FOXP1: variants seen among roughly 807,000 people sequenced by gnomAD.
FOXP1 encodes the protein forkhead box protein P1.
In FOXP1, 15 loss-of-function variants were observed where a neutral mutation model predicts 98.2. The ratio of observed to expected loss-of-function variants is 0.15; its 90% CI spans 0.10 to 0.24. The LOEUF (loss-of-function observed/expected upper bound fraction) is 0.24. Ranked by LOEUF, FOXP1 falls within the 10% of genes least tolerant of loss-of-function variation. The pLI, the probability that FOXP1 is intolerant of heterozygous loss-of-function variation, is 1.00. For synonymous variants in FOXP1, 371 were observed against 314.5 expected, an observed-to-expected ratio of 1.18 and a Z score of -1.90; for missense variants, 633 against 848.5, an observed-to-expected ratio of 0.75 and a Z score of 3.15.
intron 2 of FOXP1, among the ~76,000 whole-genome samples, chr3:71,513,079 C>A (rs774120089): frequency 4.6e-5 from 7 of 152,164 alleles, no homozygotes; most frequent in Admixed American, 4.6e-4. Flanking sequence ...GGGCTCCCAA[C>A]CTGGCCCATA....
At chr3:71,417,498 T>C (rs531898399) in intron 3 of FOXP1, among the ~76,000 whole-genome samples, 58 of 152,256 alleles carry the variant, frequency 3.8e-4, no homozygotes, top group Non-Finnish European at 7.3e-4. Flanking sequence ...GATGAAATAA[T>C]AGACCATCCA....
chr3:71,003,744 T>C (rs541824590), intron 12 of FOXP1, among the ~76,000 whole-genome samples: 3 of 152,324 alleles, frequency 2.0e-5, no homozygotes, highest in East Asian at 1.9e-4. Context: ...AATTACTGTT[T>C]GAAAATGCTT....
At chr3:71,204,104 A>T (rs1454722238) in intron 5 of FOXP1, among the ~76,000 whole-genome samples, 1 of 152,246 alleles carries the variant, frequency 6.6e-6, no homozygotes, top group Non-Finnish European at 1.5e-5. Flanking sequence ...AAGAATAAGG[A>T]TGAGACTCAG....
chr3:71,221,448 C>T (rs191174257), intron 5 of FOXP1, among the ~76,000 whole-genome samples: 3 of 152,238 alleles, frequency 2.0e-5, no homozygotes, highest in East Asian at 1.9e-4. Flanking sequence ...GAGGATGATA[C>T]GAAGATGGCG....
At chr3:71,357,295 G>T (rs902235133) in intron 4 of FOXP1, among the ~76,000 whole-genome samples, 9 of 152,172 alleles carry the variant, frequency 5.9e-5, no homozygotes, top group Middle Eastern at 3.2e-3. Flanking sequence ...ATAAAGAAAT[G>T]TATTTCTCAG....
intron 3 of FOXP1, among the ~76,000 whole-genome samples, chr3:71,388,184 G>T (rs1352824001): frequency 6.6e-6 from 1 of 152,028 alleles, no homozygotes; most frequent in East Asian, 1.9e-4. Flanking sequence ...CTTATTTAAA[G>T]AATGGCCTCT....
chr3:71,267,124 A>AGAGAGAGAGTGTGTGTGTGT (rs142661368), intron 5 of FOXP1, among the ~76,000 whole-genome samples: 2 of 148,298 alleles, frequency 1.3e-5, no homozygotes, highest in Admixed American at 6.7e-5. Flanking sequence ...TATGGGAGAG[A>AGAGAGAGAGTGTGTGTGTGT]GTGTGTGTGT....
intron 7 of FOXP1, among the ~76,000 whole-genome samples, chr3:71,092,200 C>A (rs1293249512): frequency 6.8e-6 from 1 of 146,868 alleles, no homozygotes; most frequent in Admixed American, 6.8e-5. Flanking sequence ...AGAAAAAAAA[C>A]AAAAAACAAA....
intron 4 of FOXP1, among the ~76,000 whole-genome samples, chr3:71,338,597 T>A (rs2076827099): frequency 6.6e-6 from 1 of 152,120 alleles, no homozygotes; most frequent in Non-Finnish European, 1.5e-5. Context: ...CCAGCTAATT[T>A]TTTTGTATTT....
At position 71,467,363 on chromosome 3, in the gene FOXP1, G is replaced by C. The variant is rs146956835; in HGVS notation, c.-168+26063C>G. ...CAAAGAATTGTTGGATGATTGGATG[G>C]GTAGATGGATGAAAAGACAAGTTAA... On this transcript the variant is annotated intron_variant, in intron 3 of 20. Coordinates refer to ENST00000649528, the MANE Select transcript of FOXP1 (RefSeq NM_001349338.3). 1.6e-3 allele frequency among the ~76,000 whole-genome samples: 248 copies of C among 152,292 alleles called. 1 individual carries two copies. The highest frequency in any genetic ancestry group is 1.4e-3 in the Non-Finnish European group (98 of 68,024).
At chr3:71,573,171 T>G (rs1395380850) in intron 2 of FOXP1, among the ~76,000 whole-genome samples, 1 of 152,210 alleles carries the variant, frequency 6.6e-6, no homozygotes. Context: ...ACTGTCCTGC[T>G]TCTTAAGCAA....
At chr3:71,297,449 T>A (rs1247769274) in intron 5 of FOXP1, among the ~76,000 whole-genome samples, 1 of 149,028 alleles carries the variant, frequency 6.7e-6, no homozygotes, top group Admixed American at 6.7e-5. Flanking sequence ...TATAAAGATA[T>A]TGAATCAGAA....
chr3:71,229,636 A>G (rs1407366153), intron 5 of FOXP1, among the ~76,000 whole-genome samples: 1 of 152,178 alleles, frequency 6.6e-6, no homozygotes, highest in Non-Finnish European at 1.5e-5. Context: ...ATTTCATCAT[A>G]CAGGCTCCAC....
chr3:71,245,476 C>T (rs1450999168), intron 5 of FOXP1: 1 of 151,702 alleles, frequency 6.6e-6, no homozygotes, highest in Non-Finnish European at 1.5e-5. Context: ...AGGCTTTTAA[C>T]ATCCAAATAA....
intron 5 of FOXP1, among the ~76,000 whole-genome samples, chr3:71,228,191 G>A (rs761002088): frequency 6.6e-6 from 1 of 152,172 alleles, no homozygotes; most frequent in Non-Finnish European, 1.5e-5. Flanking sequence ...TATTTAGGGA[G>A]TTCTAGGTCA....
chr3:71,009,155 CG>C lies in FOXP1; in HGVS notation c.974+6393del, dbSNP rs10546380. ...TGGTTGGTCAATGAAATCATGGGGG[CG>C]GGGGGGGGGGGGCGCATGACACACG... is the stretch of plus-strand genomic sequence containing the variant. On this transcript the variant is annotated intron_variant, in intron 12 of 20. Transcript: ENST00000649528. Among the ~76,000 whole-genome samples, 64 of 20,778 alleles carry C rather than the reference CG, an allele frequency of 3.1e-3. 1 individual carries two copies. The highest frequency in any genetic ancestry group is 4.3e-3 in the Non-Finnish European group (32 of 7,402). 13.6% of individuals were successfully genotyped at this position (20,778 alleles called of 152,430 possible).
chr3:71,201,195 A>G (rs1004938372), intron 5 of FOXP1, among the ~76,000 whole-genome samples: 6 of 152,262 alleles, frequency 3.9e-5, no homozygotes. Flanking sequence ...AAAAATAACC[A>G]AAATCTTCCC....
intron 12 of FOXP1, among the ~76,000 whole-genome samples, chr3:71,002,087 G>T (rs1342555908): frequency 6.6e-6 from 1 of 152,092 alleles, no homozygotes; most frequent in African/African-American, 2.4e-5. Flanking sequence ...TTCCAAATGT[G>T]GTTTGAATCA....
At chr3:71,151,584 T>G (rs775418361) in intron 6 of FOXP1, among the ~76,000 whole-genome samples, 1 of 150,680 alleles carries the variant, frequency 6.6e-6, no homozygotes, top group Non-Finnish European at 1.5e-5. Context: ...CTGCACTAGA[T>G]AGAAAGACAC....
Sources: gnomAD v4.1 joint callset for allele counts (sites outside exome capture counted in the v4.1 genomes callset) on GRCh38, gnomAD v4.1.1 for gene constraint, MANE v1.5 for transcripts, NCBI Gene and HGNC (gene_info 2026-07-23, HGNC 2026-07-21) for gene names.